The following SAMD3 variants were observed in gnomAD, a reference collection of about 807,000 sequenced individuals.
The protein encoded by SAMD3 is sterile alpha motif domain-containing protein 3.
SAMD3 carries 63 observed loss-of-function variants against 58.5 expected under a neutral mutation model. The ratio of observed to expected loss-of-function variants is 1.08; its 90% CI spans 0.88 to 1.33. The LOEUF is 1.33. SAMD3 is among the 40% of genes most tolerant of loss of function. SAMD3 has a pLI of 0.00. For synonymous variants in SAMD3, 220 were observed against 210.3 expected (o/e 1.05, Z -0.40); for missense variants, 604 against 608.4 (o/e 0.99, Z 0.08).
At chr6:130,294,499 C>T (rs1041028787) in intron 2 of SAMD3, among the ~76,000 whole-genome samples, 1 of 152,062 alleles carries the variant, frequency 6.6e-6, no homozygotes, top group African/African-American at 2.4e-5. Context: ...GATTAAGAAC[C>T]AAGGTAAAAC....
chr6:130,248,459 A>G (rs1221780492), intron 2 of SAMD3, among the ~76,000 whole-genome samples: 2 of 152,172 alleles, frequency 1.3e-5, no homozygotes. Context: ...GTGCAGAAAC[A>G]AAATCACCCT....
At chr6:130,183,743 T>C (rs765496905) in intron 7 of SAMD3, among the ~76,000 whole-genome samples, 11 of 151,568 alleles carry the variant, frequency 7.3e-5, no homozygotes, top group Non-Finnish European at 1.5e-4. Flanking sequence ...AGCAACATGA[T>C]GACAGAGAGA....
At position 130,215,251 on chromosome 6, in the gene SAMD3, T is replaced by TTG; in HGVS notation, c.22_23insCA (p.Gln8ProfsTer12). On this transcript the variant is annotated frameshift_variant, in exon 3 of 12. Coordinates refer to ENST00000439090, the MANE Select transcript of SAMD3 (RefSeq NM_001017373.4). LOFTEE classifies it high-confidence loss of function. ...TTTCTCCACCAACCAACTGCAGACC[T>TTG]GCTCAACTGACCAGGTTTCCATTGC... The TTG allele has an allele frequency of 4.3e-6, 7 of 1,610,858 alleles. No individual in the cohort carries two copies. The highest frequency in any genetic ancestry group is 5.9e-6 in the Non-Finnish European group (7 of 1,177,766).
chr6:130,190,203 A>G (rs144210855), intron 5 of SAMD3, among the ~76,000 whole-genome samples: 1 of 152,182 alleles, frequency 6.6e-6, no homozygotes, highest in Non-Finnish European at 1.5e-5. Context: ...CGTGAGTCCA[A>G]CCAATTTTGC....
chr6:130,184,412 A>C lies in SAMD3; in HGVS notation c.569+26T>G, dbSNP rs746969458. On this transcript the variant is annotated intron_variant, in intron 6 of 11. Transcript: ENST00000439090. ...TCTGAAACAGACCCTTTCCCAAAGC[A>C]GCAAGCTTGTCCTGTTGTCACTCAC... 10 of 1,603,854 alleles carry C rather than the reference A, an allele frequency of 6.2e-6. No homozygotes were observed. The Admixed American group carries it at 1.7e-4, about 27-fold the overall frequency.
chr6:130,332,735 A>G (rs554613542), intron 1 of SAMD3, among the ~76,000 whole-genome samples: 3 of 152,290 alleles, frequency 2.0e-5, no homozygotes, highest in Non-Finnish European at 4.4e-5. Context: ...AGATTTTTAG[A>G]AAGAATTTTG....
chr6:130,224,625 A>C (rs1417919362), upstream of SAMD3, among the ~76,000 whole-genome samples: 1 of 107,408 alleles, frequency 9.3e-6, no homozygotes, highest in Admixed American at 1.0e-4. Flanking sequence ...TATTATTATT[A>C]TTATTATTTT....
intron 5 of SAMD3, among the ~76,000 whole-genome samples, chr6:130,200,418 A>G (rs1794540842): frequency 6.6e-6 from 1 of 151,372 alleles, no homozygotes; most frequent in Admixed American, 6.6e-5. Context: ...GCGTGGTTGC[A>G]TGCAACTGTA....
intron 1 of SAMD3, among the ~76,000 whole-genome samples, chr6:130,315,279 A>T (rs1012679017): frequency 6.6e-6 from 1 of 152,218 alleles, no homozygotes. Flanking sequence ...ATATAAAAGA[A>T]GTCAAATGCA....
At chr6:130,181,433 C>G (rs967257318) in intron 7 of SAMD3, among the ~76,000 whole-genome samples, 8 of 152,150 alleles carry the variant, frequency 5.3e-5, no homozygotes, top group African/African-American at 1.7e-4. Context: ...AAACATCCAT[C>G]CAGGCACCAG....
chr6:130,158,578 C>T (rs1790002648), intron 8 of SAMD3, among the ~76,000 whole-genome samples: 1 of 152,106 alleles, frequency 6.6e-6, no homozygotes, highest in South Asian at 2.1e-4. Context: ...CTTATCACTT[C>T]AAGGTAAGAA....
At position 130,144,555 on chromosome 6, in the gene SAMD3, C is replaced by A; in HGVS notation, c.1528G>T (p.Glu510Ter). ...GGGTGCTGAAATCCTACTTCGTTTT[C>A]CTTTTCTTTCAAAGAAGGAAAATAA... is the stretch of plus-strand genomic sequence containing the variant. ...SPYFPSLKEK[E>*]NEVGFQHPLT The change falls in exon 12 of 12, where the codon GAA becomes TAA. Residue 510 changes from glutamate (E) to a stop codon, truncating the protein, a stop_gained. Transcript: ENST00000439090. LOFTEE classifies it high-confidence loss of function. The A allele has an allele frequency of 6.2e-7, 1 of 1,613,952 alleles. No homozygotes were observed. Among genetic ancestry groups the A allele is most frequent in the Non-Finnish European group, 8.5e-7 (1 of 1,179,918 alleles).
intron 1 of SAMD3, among the ~76,000 whole-genome samples, chr6:130,313,437 G>A (rs1320437468): frequency 3.9e-5 from 6 of 152,118 alleles, no homozygotes; most frequent in African/African-American, 1.2e-4. Flanking sequence ...CCTAGTGGAC[G>A]AAATTACCCT....
At chr6:130,269,268 T>C (rs1464255482) in intron 2 of SAMD3, among the ~76,000 whole-genome samples, 2 of 152,198 alleles carry the variant, frequency 1.3e-5, no homozygotes, top group Middle Eastern at 3.2e-3. Flanking sequence ...ATTGGGTATA[T>C]TCATGGGCAT....
At chr6:130,148,754 C>T (rs1026702982) in intron 9 of SAMD3, among the ~76,000 whole-genome samples, 12 of 152,056 alleles carry the variant, frequency 7.9e-5, no homozygotes, top group Admixed American at 6.6e-4. Context: ...TGCCTGTAGT[C>T]CCAGATACTC....
At chr6:130,293,816 T>C (rs898270494) in intron 2 of SAMD3, among the ~76,000 whole-genome samples, 2 of 151,886 alleles carry the variant, frequency 1.3e-5, no homozygotes, top group Admixed American at 1.3e-4. Flanking sequence ...TACCAAAGAC[T>C]TCATAGTTTG....
intron 2 of SAMD3, among the ~76,000 whole-genome samples, chr6:130,245,720 T>C (rs912669164): frequency 1.3e-5 from 2 of 152,210 alleles, no homozygotes; most frequent in Non-Finnish European, 2.9e-5. Context: ...TCTTGAAATG[T>C]ATGTAAAACT....
rs1029140273 is a variant in SAMD3, at chr6:130,155,177, C to T, written c.823-152G>A. The T allele has an allele frequency of 3.4e-6, 2 of 591,084 alleles. 1 individual carries two copies. The highest frequency in any genetic ancestry group is 7.9e-4 in the Middle Eastern group (2 of 2,520). The allele number at this position is 591,084 out of a possible 1,614,324, so 36.6% of individuals were successfully genotyped here. On this transcript the variant is annotated intron_variant, in intron 8 of 11. Transcript: ENST00000439090. ...TGAGCATAACTAATAAATGGACAGTCTTTAATGACAATAAATTAGATAGTT... is the reference window on the plus strand; with the variant it reads ...TGAGCATAACTAATAAATGGACAGTTTTTAATGACAATAAATTAGATAGTT...
At chr6:130,194,653 C>T (rs1372689942) in intron 5 of SAMD3, among the ~76,000 whole-genome samples, 1 of 152,210 alleles carries the variant, frequency 6.6e-6, no homozygotes, top group Non-Finnish European at 1.5e-5. Context: ...AAGGAATGCT[C>T]ACAGCCCAGA....
Sources: allele counts gnomAD v4.1 joint callset (sites outside exome capture counted in the v4.1 genomes callset), GRCh38; gene constraint gnomAD v4.1.1; transcripts MANE v1.5; gene names NCBI Gene and HGNC (gene_info 2026-07-23, HGNC 2026-07-21).